Variants in NIPBL observed in about 807,000 individuals in gnomAD.
NIPBL encodes nipped-B-like protein.
A neutral mutation model predicts 321.8 loss-of-function variants in NIPBL; 19 were observed. The observed-to-expected ratio is 0.06, with a 90% CI of 0.04 to 0.09. NIPBL has a LOEUF of 0.09. Among genes scored for constraint, NIPBL ranks in the 10% least tolerant of loss-of-function variants. The probability of loss-of-function intolerance (pLI) is 1.00; values close to 1 mark genes in which losing one functional copy is unlikely to be tolerated. For synonymous variants in NIPBL, 1,106 were observed against 1,114.1 expected, an observed-to-expected ratio of 0.99 and a Z score of 0.14; for missense variants, 2,210 against 3,327.0, an observed-to-expected ratio of 0.66 and a Z score of 8.26.
At chr5:36,885,612 G>C (rs1386466210) in intron 1 of NIPBL, 1 of 534,842 alleles carries the variant, frequency 1.9e-6, no homozygotes, top group Admixed American at 2.0e-5. Flanking sequence ...GAGGATCTGA[G>C]GGCTCAGATC....
intron 1 of NIPBL, among the ~76,000 whole-genome samples, chr5:36,894,276 T>C (rs961217074): frequency 2.0e-5 from 3 of 152,142 alleles, no homozygotes; most frequent in East Asian, 1.9e-4. Context: ...TATTGAAATA[T>C]GATAAGTACT....
chr5:36,904,741 A>G (rs1365706300), intron 1 of NIPBL, among the ~76,000 whole-genome samples: 1 of 152,158 alleles, frequency 6.6e-6, no homozygotes, highest in Non-Finnish European at 1.5e-5. Context: ...GGTTGCCTAT[A>G]GCTGTTGGCT....
At chr5:36,922,545 G>C (rs1749027263) in intron 1 of NIPBL, among the ~76,000 whole-genome samples, 1 of 152,068 alleles carries the variant, frequency 6.6e-6, no homozygotes, top group African/African-American at 2.4e-5. Context: ...GAAATGTCCA[G>C]CATACTGGAT....
At chr5:36,973,537 G>A (rs1045977977) in intron 8 of NIPBL, among the ~76,000 whole-genome samples, 11 of 151,652 alleles carry the variant, frequency 7.3e-5, no homozygotes, top group African/African-American at 2.2e-4. Context: ...GCATGATCTC[G>A]GCTCACTGCA....
rs1423499316 is a variant in NIPBL, at chr5:37,060,923, C to T, written c.7765C>T (p.His2589Tyr). 4 of 1,613,884 alleles carry T rather than the reference C, an allele frequency of 2.5e-6. No individual in the cohort carries two copies. The Admixed American group carries it at 6.7e-5, about 27-fold the overall frequency. Residue 2589 changes from histidine to tyrosine, a missense_variant, in exon 45 of 47, where the codon CAT becomes TAT. By Grantham distance (83) the His-to-Tyr change is moderately conservative. Around this residue, in one of 14 missense-constraint regions of NIPBL, gnomAD observed 159 missense variants for 319.2 expected, o/e 0.50. Transcript: ENST00000282516. The stretch of plus-strand genomic sequence containing the variant: ...AAACCGAAAAACAGGAGTTCATTTT[C>T]ATCCAAAACAAACACTGGACTTCCT... ...AINRKTGVHF[H>Y]PKQTLDFLRS...
intron 22 of NIPBL, 33 bp from the exon 23 acceptor site, chr5:37,016,005 T>C (rs935910602): frequency 2.5e-6 from 4 of 1,612,144 alleles, no homozygotes; most frequent in Non-Finnish European, 8.5e-7. Context: ...GTCACCTAAA[T>C]TGACATCCTT....
chr5:36,937,748 A>T (rs1044773225), intron 1 of NIPBL, among the ~76,000 whole-genome samples: 1 of 152,118 alleles, frequency 6.6e-6, no homozygotes, highest in Admixed American at 6.6e-5. Flanking sequence ...TTTTATACAC[A>T]TATTTTCTTC....
At chr5:37,055,880 A>G (rs568225077) in intron 42 of NIPBL, among the ~76,000 whole-genome samples, 27 of 152,038 alleles carry the variant, frequency 1.8e-4, no homozygotes, top group Non-Finnish European at 3.5e-4. Flanking sequence ...GCCTGGTGGT[A>G]TGCACCTATA....
Position 37,063,909 on chromosome 5 carries a change from A to G in NIPBL, c.7980A>G (p.Lys2660=), listed in dbSNP as rs1324773558. ...ITSLLGGGSP[K]NNTAAETEDD... ...CACTGCTTGGAGGAGGCAGCCCTAA[A>G]AATAATACAGCAGCAGAGACAGAAG... is the stretch of plus-strand genomic sequence containing the variant. The change falls in exon 46 of 47, where the codon AAA becomes AAG. Residue 2660 remains lysine, a synonymous_variant. Transcript: ENST00000282516. The G allele has an allele frequency of 6.2e-7, 1 of 1,614,058 alleles. No individual in the cohort carries two copies. The highest frequency in any genetic ancestry group is 8.5e-7 in the Non-Finnish European group (1 of 1,179,994).
intron 1 of NIPBL, among the ~76,000 whole-genome samples, chr5:36,881,217 G>A (rs1434249381): frequency 1.3e-5 from 2 of 151,812 alleles, no homozygotes; most frequent in Non-Finnish European, 2.9e-5. Context: ...TAATTTTAAA[G>A]GGTATTTTAT....
At position 36,955,605 on chromosome 5, in the gene NIPBL, C is replaced by G. The variant is rs146033170; in HGVS notation, c.198C>G (p.Val66=). The G allele has an allele frequency of 4.0e-4, 648 of 1,613,916 alleles. 2 individuals carry two copies. The highest frequency in any genetic ancestry group is 2.1e-3 in the Admixed American group (125 of 60,014). The change falls in exon 3 of 47, where the codon GTC becomes GTG. Residue 66 remains valine, a synonymous_variant. Coordinates refer to ENST00000282516, the MANE Select transcript of NIPBL (RefSeq NM_133433.4). Reference sequence around the variant, plus strand: ...ATGACAATTTGGTTTCACAGCTTGTCCATAGCCTCAACCAGGTATCAACAG... The same window carrying G: ...ATGACAATTTGGTTTCACAGCTTGTGCATAGCCTCAACCAGGTATCAACAG... ...CRDDNLVSQL[V]HSLNQVSTDH... is the part of the protein sequence containing the mutation.
At chr5:37,060,519 T>C (rs1754554854) in intron 44 of NIPBL, among the ~76,000 whole-genome samples, 1 of 152,146 alleles carries the variant, frequency 6.6e-6, no homozygotes, top group African/African-American at 2.4e-5. Context: ...ATTTAAAACC[T>C]TGTAAGGTTT....
chr5:36,919,343 A>G (rs1022631658), intron 1 of NIPBL, among the ~76,000 whole-genome samples: 1 of 151,522 alleles, frequency 6.6e-6, no homozygotes, highest in African/African-American at 2.4e-5. Context: ...TATGTCTCCC[A>G]TTATCTTTAT....
chr5:36,925,786 A>G (rs1217932646), intron 1 of NIPBL, among the ~76,000 whole-genome samples: 1 of 152,144 alleles, frequency 6.6e-6, no homozygotes, highest in African/African-American at 2.4e-5. Context: ...TACGTAACTT[A>G]CAGTTCCCAT....
chr5:37,044,292 T>TA (rs1752755488), intron 34 of NIPBL, 55 bp from the exon 35 acceptor site: 1 of 1,518,208 alleles, frequency 6.6e-7, no homozygotes, highest in African/African-American at 1.4e-5. Context: ...TAAAGCTGTA[T>TA]ATAGTTTCTT....
chr5:36,927,282 A>C (rs972576512), intron 1 of NIPBL, among the ~76,000 whole-genome samples: 9 of 152,164 alleles, frequency 5.9e-5, no homozygotes, highest in Non-Finnish European at 1.2e-4. Flanking sequence ...TATTTTACTG[A>C]GAGGAGAAAA....
intron 3 of NIPBL, among the ~76,000 whole-genome samples, 183 bp downstream of exon 3, chr5:36,955,820 A>G (rs1740876350): frequency 6.6e-6 from 1 of 152,152 alleles, no homozygotes. Context: ...AGTAGGCAAT[A>G]TTTATTTTTA....
At chr5:37,042,649 G>A (rs946905386) in intron 34 of NIPBL, among the ~76,000 whole-genome samples, 3 of 151,810 alleles carry the variant, frequency 2.0e-5, no homozygotes, top group Non-Finnish European at 4.4e-5. Context: ...AATTAGCCAG[G>A]CGTGGTGGCA....
chr5:37,049,901 T>C (rs539917195), intron 40 of NIPBL, among the ~76,000 whole-genome samples: 1 of 152,346 alleles, frequency 6.6e-6, no homozygotes, highest in Admixed American at 6.5e-5. Context: ...AAGCAGAGTC[T>C]ATACCCTTCA....
Sources: allele counts gnomAD v4.1 joint callset (sites outside exome capture counted in the v4.1 genomes callset), GRCh38; gene constraint gnomAD v4.1.1; regional missense constraint gnomAD v4.1.1; transcripts MANE v1.5; gene names NCBI Gene and HGNC (gene_info 2026-07-23, HGNC 2026-07-21).